Variants in GAS2L2 observed in about 807,000 individuals in gnomAD.
GAS2L2 encodes the protein growth arrest specific 2 like 2, also known as GAS2-like protein 2.
In GAS2L2, 21 loss-of-function variants were observed where a neutral mutation model predicts 35.2. The observed-to-expected ratio is 0.60, with a 90% CI of 0.42 to 0.86. The LOEUF is 0.86. Among genes scored for constraint, GAS2L2 ranks in the 40% least tolerant of loss-of-function variants. The pLI is 0.00. For synonymous variants in GAS2L2, 490 were observed against 473.2 expected, an observed-to-expected ratio of 1.04 and a Z score of -0.46; for missense variants, 1,169 against 1,144.4, an observed-to-expected ratio of 1.02 and a Z score of -0.31.
rs943703018 is a variant in GAS2L2, at chr17:35,749,091, A to C, written c.735+19T>G. ...GAAACCCTATTCTGGGGGTCCCTTG[A>C]CCCCCAGCCTGGACTTACCCGGATG... On this transcript the variant is annotated intron_variant, in intron 3 of 5. Coordinates refer to ENST00000604641, the MANE Select transcript of GAS2L2 (RefSeq NM_139285.4). 45 of 1,543,122 alleles carry C rather than the reference A, an allele frequency of 2.9e-5. No homozygotes were observed. The highest frequency in any genetic ancestry group is 3.8e-5 in the Non-Finnish European group (43 of 1,117,308).
intron 3 of GAS2L2, 82 bp from the exon 4 acceptor site, chr17:35,748,027 C>T (rs2085680692): frequency 1.1e-6 from 1 of 952,008 alleles, no homozygotes; most frequent in Non-Finnish European, 1.7e-6. Context: ...CCGGCACTCA[C>T]TCAGGGATGC....
Position 35,745,819 on chromosome 17 carries a change from C to G in GAS2L2, c.1678G>C (p.Glu560Gln). 1 of 1,613,878 alleles carries G rather than the reference C, an allele frequency of 6.2e-7. No homozygotes were observed. Among genetic ancestry groups the G allele is most frequent in the Non-Finnish European group, 8.5e-7 (1 of 1,180,038 alleles). ...ACCTGGATGTCCAGCTGCTGGTCCTCCTGCCTCACTTCCACAGAGCAGTCC... is the reference window on the plus strand; with the variant it reads ...ACCTGGATGTCCAGCTGCTGGTCCTGCTGCCTCACTTCCACAGAGCAGTCC... The part of the protein sequence containing the change: ...HGDCSVEVRQ[E>Q]DQQLDIQVMA... The change falls in exon 6 of 6, where the codon GAG (glutamate) becomes CAG (glutamine). Residue 560 changes from glutamate (E) to glutamine (Q), a missense_variant. This residue lies in a region of GAS2L2 where 1,035 missense variants were observed against 976.5 expected (regional missense o/e 1.06). Transcript: ENST00000604641.
At chr17:35,751,849 T>A (rs1160720193) in intron 1 of GAS2L2, among the ~76,000 whole-genome samples, 14 of 65,832 alleles carry the variant, frequency 2.1e-4, no homozygotes. Flanking sequence ...TCTCTCTCTC[T>A]TTTTTTTTTT....
intron 1 of GAS2L2, 79 bp from the exon 2 acceptor site, chr17:35,750,397 G>T: frequency 1.3e-6 from 2 of 1,585,750 alleles, no homozygotes; most frequent in East Asian, 2.2e-5. Context: ...AGGGGCTAGC[G>T]GGGAGGAAAG....
At chr17:35,747,771 C>A in intron 4 of GAS2L2, 78 bp downstream of exon 4, 2 of 1,184,376 alleles carry the variant, frequency 1.7e-6, no homozygotes, top group Non-Finnish European at 2.5e-6. Flanking sequence ...ATACCTCCCA[C>A]CTCTGCCTCC....
chr17:35,745,490 G>A lies in GAS2L2; in HGVS notation c.2007C>T (p.Asp669=). The change falls in exon 6 of 6, where the codon GAC becomes GAT. Residue 669 remains aspartate (D), a synonymous_variant. Coordinates refer to ENST00000604641, the MANE Select transcript of GAS2L2 (RefSeq NM_139285.4). ...TCGGGGCTGCCTTCCAGGCTTCCAGGTCCACTTTAAGGAGGGATGGGGACC... is the reference window on the plus strand; with the variant it reads ...TCGGGGCTGCCTTCCAGGCTTCCAGATCCACTTTAAGGAGGGATGGGGACC... ...AQGSPSLLKV[D]LEAWKAAPTG... 6.2e-7 allele frequency: 1 copy of A among 1,601,180 alleles called. No homozygotes were observed. The highest frequency in any genetic ancestry group is 8.5e-7 in the Non-Finnish European group (1 of 1,171,550).
At chr17:35,748,086 A>C in intron 3 of GAS2L2, 141 bp from the exon 4 acceptor site, 3 of 558,596 alleles carry the variant, frequency 5.4e-6, no homozygotes, top group Non-Finnish European at 9.6e-6. Flanking sequence ...GTGCTGTAAA[A>C]AGGCAGCCCG....
rs782257609 is a variant in GAS2L2, at chr17:35,745,048, T to C, written c.2449A>G (p.Arg817Gly). The stretch of plus-strand genomic sequence containing the variant: ...CCTCCCTTGCTGCCCAGCACAGCTC[T>C]CAACAGCCTGTCCTTGGGGGGCTGC... Reference protein sequence around the residue: ...ARQPPKDRLLRAVLGSKGGEA... With the variant: ...ARQPPKDRLLGAVLGSKGGEA... Residue 817 changes from arginine to glycine, a missense_variant, in exon 6 of 6, where the codon AGA (arginine) becomes GGA (glycine). Physicochemically the swap from Arg to Gly is moderately radical, Grantham distance 125. Coordinates refer to ENST00000604641, the MANE Select transcript of GAS2L2 (RefSeq NM_139285.4). 18 of 1,613,924 alleles carry C rather than the reference T, an allele frequency of 1.1e-5. No individual in the cohort carries two copies. In the East Asian group the frequency reaches 4.0e-4, roughly 36 times the overall value.
chr17:35,746,393 G>A lies in GAS2L2; in HGVS notation c.1104C>T (p.Leu368=), dbSNP rs2085668943. 6 of 1,345,250 alleles carry A rather than the reference G, an allele frequency of 4.5e-6. No individual in the cohort carries two copies. The highest frequency in any genetic ancestry group is 2.6e-5 in the East Asian group (1 of 38,256). The allele number at this position is 1,345,250 out of a possible 1,614,324, so 83.3% of individuals were successfully genotyped here. A position where few individuals can be genotyped will look rare whatever the true frequency, so the allele number is the denominator to read the frequency against. Residue 368 remains leucine, a synonymous_variant, in exon 6 of 6, where the codon CTC becomes CTT. Transcript: ENST00000604641. ...CTGTCGGCTGCCTCCAAGATGGGAT[G>A]AGAGACCTCTCCTGGCACCTGAAAG... ...APFLRCQERS[L]IPSWRQPTAG... is the part of the protein sequence containing the mutation.
intron 5 of GAS2L2, among the ~76,000 whole-genome samples, 166 bp downstream of exon 5, chr17:35,746,850 T>C (rs1427660959): frequency 6.6e-6 from 1 of 152,182 alleles, no homozygotes; most frequent in Non-Finnish European, 1.5e-5. Flanking sequence ...GCATATGAAG[T>C]AACCACATTA....
intron 1 of GAS2L2, among the ~76,000 whole-genome samples, chr17:35,751,833 CCTCT>C (rs1220248458): frequency 1.1e-4 from 16 of 146,536 alleles, no homozygotes; most frequent in South Asian, 2.2e-4. Flanking sequence ...TATCCCTCTA[CCTCT>C]CTCTCTCTCT....
At position 35,745,041 on chromosome 17, in the gene GAS2L2, A is replaced by T. The variant is rs2085655209; in HGVS notation, c.2456T>A (p.Val819Glu). 3.7e-6 allele frequency: 6 copies of T among 1,613,750 alleles called. No individual in the cohort carries two copies. The East Asian group carries it at 1.3e-4, about 36-fold the overall frequency. The change falls in exon 6 of 6, where the codon GTG (valine) becomes GAG (glutamate). Residue 819 changes from valine to glutamate, a missense_variant. Transcript: ENST00000604641. ...QPPKDRLLRA[V>E]LGSKGGEASR... is the part of the protein sequence containing the mutation. ...TGCCTCCCCTCCCTTGCTGCCCAGCACAGCTCTCAACAGCCTGTCCTTGGG... is the reference window on the plus strand; with the variant it reads ...TGCCTCCCCTCCCTTGCTGCCCAGCTCAGCTCTCAACAGCCTGTCCTTGGG...
chr17:35,745,361 C>CT lies in GAS2L2; in HGVS notation c.2135dup (p.Thr714HisfsTer36). Reference sequence around the variant, plus strand: ...GTGGGACCTTCCTCATGTGGGTGCCCTTGGCACTCAGGCTTGCCTTTGTCC... The same window carrying CT: ...GTGGGACCTTCCTCATGTGGGTGCCCTTTGGCACTCAGGCTTGCCTTTGTCC... On this transcript the variant is annotated frameshift_variant, in exon 6 of 6. Transcript: ENST00000604641. LOFTEE classifies it low-confidence loss of function (END_TRUNC). The CT allele has an allele frequency of 6.3e-7, 1 of 1,599,340 alleles. No individual in the cohort carries two copies.
At chr17:35,746,475 G>A in intron 5 of GAS2L2, 64 bp from the exon 6 acceptor site, 2 of 1,127,662 alleles carry the variant, frequency 1.8e-6, no homozygotes, top group Non-Finnish European at 2.3e-6. Context: ...CATCTAGTGT[G>A]GTCCCTGGCT....
Position 35,752,953 on chromosome 17 carries a change from A to G in GAS2L2, c.-103T>C. 1 of 1,299,752 alleles carries G rather than the reference A, an allele frequency of 7.7e-7. No homozygotes were observed. Among genetic ancestry groups the G allele is most frequent in the Admixed American group, 2.6e-5 (1 of 39,214 alleles). The allele number at this position is 1,299,752 out of a possible 1,614,324, so 80.5% of individuals were successfully genotyped here. A position where few individuals can be genotyped will look rare whatever the true frequency, so the allele number is the denominator to read the frequency against. On this transcript the variant is annotated 5_prime_UTR_variant, in exon 1 of 6. Coordinates refer to ENST00000604641, the MANE Select transcript of GAS2L2 (RefSeq NM_139285.4). ...CTCGGCTGGGTTCTTCCTGATTCTG[A>G]GGTTCCCGTGTACTCGCTGAGAGCC...
intron 2 of GAS2L2, 31 bp from the exon 3 acceptor site, chr17:35,749,248 C>A: frequency 6.7e-7 from 1 of 1,489,398 alleles, no homozygotes; most frequent in East Asian, 2.3e-5. Context: ...CAGCCCTCTC[C>A]TTTGCCCACT....
Position 35,745,063 on chromosome 17 carries a change from T to TG in GAS2L2, c.2433dup (p.Lys812GlnfsTer26), listed in dbSNP as rs782288149. The TG allele has an allele frequency of 1.9e-6, 3 of 1,613,734 alleles. No individual in the cohort carries two copies. Among genetic ancestry groups the TG allele is most frequent in the Non-Finnish European group, 1.7e-6 (2 of 1,179,922 alleles). The stretch of plus-strand genomic sequence containing the variant: ...AGCACAGCTCTCAACAGCCTGTCCT[T>TG]GGGGGGCTGCCTGGCTGGACCCAGG... On this transcript the variant is annotated frameshift_variant, in exon 6 of 6. Transcript: ENST00000604641. LOFTEE classifies it low-confidence loss of function (END_TRUNC).
At chr17:35,751,216 TC>T (rs1402501315) in intron 1 of GAS2L2, among the ~76,000 whole-genome samples, 7 of 152,104 alleles carry the variant, frequency 4.6e-5, no homozygotes, top group African/African-American at 7.2e-5. Flanking sequence ...CCTGGCGTCA[TC>T]CCATCTGTCT....
chr17:35,744,592 G>T lies in GAS2L2; in HGVS notation c.*262C>A. The T allele has an allele frequency of 2.2e-6, 1 of 445,224 alleles. No individual in the cohort carries two copies. Among genetic ancestry groups the T allele is most frequent in the Non-Finnish European group, 4.0e-6 (1 of 249,062 alleles). The allele number at this position is 445,224 out of a possible 1,614,324, so 27.6% of individuals were successfully genotyped here. A position where few individuals can be genotyped will look rare whatever the true frequency, so the allele number is the denominator to read the frequency against. On this transcript the variant is annotated 3_prime_UTR_variant, in exon 6 of 6. Coordinates refer to ENST00000604641, the MANE Select transcript of GAS2L2 (RefSeq NM_139285.4). Reference sequence around the variant, plus strand: ...CATGGCCAGGGGCCAGAGGCCAGGAGTGTGGTGAGCCGTTCTAGGGGAGAG... The same window carrying T: ...CATGGCCAGGGGCCAGAGGCCAGGATTGTGGTGAGCCGTTCTAGGGGAGAG...
Sources: allele counts gnomAD v4.1 joint callset (sites outside exome capture counted in the v4.1 genomes callset), GRCh38; gene constraint gnomAD v4.1.1; regional missense constraint gnomAD v4.1.1; transcripts MANE v1.5; gene names NCBI Gene and HGNC (gene_info 2026-07-23, HGNC 2026-07-21).